Variants in DIP2C observed in about 807,000 individuals in gnomAD.
DIP2C encodes DIP2 acetate--CoA ligase C (putative).
In DIP2C, 33 loss-of-function variants were observed where a neutral mutation model predicts 192.4. The observed-to-expected ratio is 0.17, with a 90% CI of 0.13 to 0.23. The LOEUF is 0.23. Ranked by LOEUF, DIP2C falls within the 10% of genes least tolerant of loss-of-function variation. The pLI is 1.00. For missense variants in DIP2C, 1,537 were observed against 2,110.1 expected, an observed-to-expected ratio of 0.73 and a Z score of 5.32; for synonymous variants, 979 against 864.1, an observed-to-expected ratio of 1.13 and a Z score of -2.33.
chr10:298,415 G>T (rs145328788), intron 32 of DIP2C, among the ~76,000 whole-genome samples: 1 of 152,258 alleles, frequency 6.6e-6, no homozygotes, highest in African/African-American at 2.4e-5. Context: ...TGGTGACCTC[G>T]CACTTAGCTG....
intron 1 of DIP2C, among the ~76,000 whole-genome samples, chr10:518,020 G>A (rs1487776020): frequency 2.0e-5 from 3 of 152,224 alleles, no homozygotes; most frequent in Admixed American, 2.0e-4. Flanking sequence ...TAGGCAGTTT[G>A]GTGGGGTGGG....
At chr10:336,273 T>A (rs984479490) in intron 29 of DIP2C, among the ~76,000 whole-genome samples, 1 of 152,186 alleles carries the variant, frequency 6.6e-6, no homozygotes, top group African/African-American at 2.4e-5. Flanking sequence ...GATGGGTCCG[T>A]GTACAATGGT....
chr10:557,906 AAGGGGG>A (rs1848994216), intron 1 of DIP2C, among the ~76,000 whole-genome samples: 1 of 21,986 alleles, frequency 4.5e-5, no homozygotes, highest in East Asian at 1.3e-3. Flanking sequence ...GCAGGCGGGG[AAGGGGG>A]CGGGGAAGGG....
intron 3 of DIP2C, among the ~76,000 whole-genome samples, chr10:462,946 G>C (rs1426827356): frequency 2.0e-5 from 3 of 152,102 alleles, no homozygotes; most frequent in Non-Finnish European, 2.9e-5. Flanking sequence ...TGCAGAAAAG[G>C]CCTTTGATAA....
chr10:636,496 C>T lies in DIP2C; in HGVS notation c.85+52998G>A, dbSNP rs965451807. Among the ~76,000 whole-genome samples, 4 of 152,156 alleles carry T rather than the reference C, an allele frequency of 2.6e-5. No individual in the cohort carries two copies. The highest frequency in any genetic ancestry group is 7.2e-5 in the African/African-American group (3 of 41,424). ...TGAAGGTGACAGGCTCCTGCCACCT[C>T]GCCGAGTCCTCACGCACGCGTTCCC... On this transcript the variant is annotated intron_variant, in intron 1 of 36. Transcript: ENST00000280886. This position sits in a 1 kb window ranked among gnomAD's most constrained non-coding sequence, Gnocchi z 4.6.
At chr10:466,204 G>C (rs1970186752) in intron 3 of DIP2C, among the ~76,000 whole-genome samples, 1 of 151,908 alleles carries the variant, frequency 6.6e-6, no homozygotes, top group Non-Finnish European at 1.5e-5. Context: ...TAGATCAATG[G>C]AACAGAACAG....
chr10:419,136 C>A lies in DIP2C; in HGVS notation c.668G>T (p.Arg223Ile). 1 of 1,614,270 alleles carries A rather than the reference C, an allele frequency of 6.2e-7. No homozygotes were observed. Among genetic ancestry groups the A allele is most frequent in the Non-Finnish European group, 8.5e-7 (1 of 1,180,052 alleles). The change falls in exon 6 of 37, where the codon AGA (arginine) becomes ATA (isoleucine). Residue 223 changes from arginine to isoleucine, a missense_variant. Arg to Ile is a moderately conservative substitution (Grantham distance 97). Around this residue, in one of 4 missense-constraint regions of DIP2C, gnomAD observed 473 missense variants for 539.6 expected, o/e 0.88. Transcript: ENST00000280886. ...CCGGGACCCCGTGGAACCCTGCGGTCTCTCCACCTGTATCGAGTGCTCTGA... is the reference window on the plus strand; with the variant it reads ...CCGGGACCCCGTGGAACCCTGCGGTATCTCCACCTGTATCGAGTGCTCTGA... ...YTSEHSIQVE[R>I]PQGSTGSRTA... is the part of the protein sequence containing the mutation.
intron 14 of DIP2C, among the ~76,000 whole-genome samples, chr10:387,434 C>T (rs1963046836): frequency 6.6e-6 from 1 of 151,984 alleles, no homozygotes; most frequent in Non-Finnish European, 1.5e-5. Context: ...ACACCCAGCA[C>T]ACTCCTGTGT....
intron 3 of DIP2C, among the ~76,000 whole-genome samples, chr10:443,015 T>C (rs779909033): frequency 6.6e-6 from 1 of 152,200 alleles, no homozygotes; most frequent in Non-Finnish European, 1.5e-5. Context: ...TTTGGTATCT[T>C]CCGGACTAGA....
chr10:383,964 A>G (rs533596968), intron 16 of DIP2C, 63 bp downstream of exon 16: 814 of 3,458 alleles, frequency 0.24, no homozygotes, highest in Non-Finnish European at 0.26. Flanking sequence ...CTGCCTCACG[A>G]AAAAAAAAAA....
intron 33 of DIP2C, among the ~76,000 whole-genome samples, chr10:287,667 C>T (rs947876294): frequency 1.5e-4 from 8 of 54,206 alleles, no homozygotes; most frequent in South Asian, 7.0e-4. Context: ...GGGGCCGAAA[C>T]GGAAAAAAAA....
chr10:302,469 T>G (rs1956097536), intron 32 of DIP2C, among the ~76,000 whole-genome samples: 1 of 152,134 alleles, frequency 6.6e-6, no homozygotes, highest in African/African-American at 2.4e-5. Flanking sequence ...GTGAGGCTCC[T>G]GGGTACACTG....
intron 32 of DIP2C, among the ~76,000 whole-genome samples, chr10:289,939 T>C (rs1242548015): frequency 1.3e-5 from 2 of 152,120 alleles, no homozygotes; most frequent in Non-Finnish European, 2.9e-5. Context: ...CCTCTGGCTG[T>C]TGAGTGACTG....
intron 1 of DIP2C, among the ~76,000 whole-genome samples, chr10:597,899 G>A (rs1200192871): frequency 3.3e-5 from 5 of 152,168 alleles, no homozygotes; most frequent in East Asian, 3.9e-4. Flanking sequence ...AGGTCTGAAC[G>A]TGGACCTGGC....
chr10:568,788 A>AAAACAAAC lies in DIP2C; in HGVS notation c.86-82259_86-82258insGTTTGTTT, dbSNP rs1166513698. ...CTCAAAAAAAAAAAAAAAAAAAAAA[A>AAAACAAAC]AAAAAAAAAACCTTCACTTGATCTG... On this transcript the variant is annotated intron_variant, in intron 1 of 36. Transcript: ENST00000280886. 1.5e-3 allele frequency among the ~76,000 whole-genome samples: 212 copies of AAAACAAAC among 142,632 alleles called. 2 individuals carry two copies. The highest frequency in any genetic ancestry group is 2.1e-3 in the Non-Finnish European group (135 of 65,640). The allele number at this position is 142,632 out of a possible 152,430, so 93.6% of individuals were successfully genotyped here.
chr10:576,228 TGCA>T (rs1432754597), intron 1 of DIP2C, among the ~76,000 whole-genome samples: 1 of 152,242 alleles, frequency 6.6e-6, no homozygotes, highest in African/African-American at 2.4e-5. Flanking sequence ...CCCAGGCAGC[TGCA>T]GAAGGAAGGG....
chr10:618,908 A>G (rs1198425370), intron 1 of DIP2C, among the ~76,000 whole-genome samples: 1 of 152,168 alleles, frequency 6.6e-6, no homozygotes, highest in African/African-American at 2.4e-5. Context: ...AACTTAACAA[A>G]ACCTGAAAGG....
At chr10:470,973 C>T (rs1421885729) in intron 3 of DIP2C, among the ~76,000 whole-genome samples, 1 of 152,122 alleles carries the variant, frequency 6.6e-6, no homozygotes, top group Non-Finnish European at 1.5e-5. Flanking sequence ...GTGAGGGAAG[C>T]GTTGGTCACA....
At chr10:496,896 G>A (rs543746835) in intron 1 of DIP2C, among the ~76,000 whole-genome samples, 45 of 152,302 alleles carry the variant, frequency 3.0e-4, no homozygotes, top group African/African-American at 1.0e-3. Flanking sequence ...AGGCCGAGGC[G>A]GGCAGATCAC....
Sources: allele counts gnomAD v4.1 joint callset (sites outside exome capture counted in the v4.1 genomes callset), GRCh38; gene constraint gnomAD v4.1.1; regional missense constraint gnomAD v4.1.1; non-coding constraint Gnocchi (gnomAD v3.1); transcripts MANE v1.5; gene names NCBI Gene and HGNC (gene_info 2026-07-23, HGNC 2026-07-21).